ZNF43: variants seen among roughly 807,000 people sequenced by gnomAD.
ZNF43 encodes the protein zinc finger protein 43.
ZNF43 carries 44 observed loss-of-function variants against 68.4 expected under a neutral mutation model. That is an observed-to-expected ratio of 0.64 (90% CI 0.51 to 0.83). The LOEUF (loss-of-function observed/expected upper bound fraction) is 0.83. ZNF43 is among the 40% of genes least tolerant of loss of function. The pLI is 0.00. For missense variants in ZNF43, 896 were observed against 933.2 expected, an observed-to-expected ratio of 0.96 and a Z score of 0.52; for synonymous variants, 308 against 307.8, an observed-to-expected ratio of 1.00 and a Z score of -0.01.
rs1045478798 is a variant in ZNF43 at position 21,806,179 on chromosome 19, T to C, written c.*1428A>G. On this transcript the variant is annotated 3_prime_UTR_variant, in exon 4 of 4. Coordinates refer to ENST00000354959, the MANE Select transcript of ZNF43 (RefSeq NM_003423.4). ...ATTTTCATCACGCATCTTTTTTTTT[T>C]TTTTTTTTCTTTTTGAGATGGAGTT... is the stretch of plus-strand genomic sequence containing the variant. 2.0e-5 allele frequency: 3 copies of C among 151,496 alleles called. No homozygotes were observed. Among genetic ancestry groups the C allele is most frequent in the African/African-American group, 7.3e-5 (3 of 41,218 alleles). 9.4% of individuals were successfully genotyped at this position (151,496 alleles called of 1,614,324 possible). A position where few individuals can be genotyped will look rare whatever the true frequency, so the allele number is the denominator to read the frequency against.
intron 1 of ZNF43, among the ~76,000 whole-genome samples, chr19:21,820,407 G>A (rs1285592075): frequency 2.7e-5 from 4 of 150,810 alleles, no homozygotes; most frequent in South Asian, 4.2e-4. Flanking sequence ...GTGAAACCCC[G>A]TCTGTACTAA....
Position 21,809,300 on chromosome 19 carries a change from G to A in ZNF43, c.737C>T (p.Thr246Ile), listed in dbSNP as rs148124585. 16 of 1,613,280 alleles carry A rather than the reference G, an allele frequency of 9.9e-6. No homozygotes were observed. Among genetic ancestry groups the A allele is most frequent in the Non-Finnish European group, 9.3e-6 (11 of 1,179,848 alleles). ...GKVFNWSSRLTTHKKNYTRYK... is the reference protein window; with the variant it reads ...GKVFNWSSRLITHKKNYTRYK... Reference sequence around the variant, plus strand: ...TCTAGTATAATTTTTTTTATGTGTAGTAAGGCGTGAGGACCAATTAAAGAC... The same window carrying A: ...TCTAGTATAATTTTTTTTATGTGTAATAAGGCGTGAGGACCAATTAAAGAC... Residue 246 changes from threonine (T) to isoleucine (I), a missense_variant, in exon 4 of 4, where the codon ACT (threonine) becomes ATT (isoleucine). By Grantham distance (89) the Thr-to-Ile change is moderately conservative. Transcript: ENST00000354959.
At chr19:21,845,312 T>C (rs138250098) in intron 1 of ZNF43, 37 of 152,304 alleles carry the variant, frequency 2.4e-4, no homozygotes, top group African/African-American at 8.4e-4. Context: ...TGTCAAAATA[T>C]GTCACAAGGC....
intron 1 of ZNF43, among the ~76,000 whole-genome samples, chr19:21,829,669 A>G (rs2145303324): frequency 6.6e-6 from 1 of 152,338 alleles, no homozygotes; most frequent in African/African-American, 2.4e-5. Flanking sequence ...TAAATGCTTT[A>G]AGATAAAAGA....
Position 21,836,106 on chromosome 19 carries a change from A to T in ZNF43, c.-68T>A, listed in dbSNP as rs143001393. Reference sequence around the variant, plus strand: ...CCCAATACCCGCAGGTCACAGAGCCACAGAGGCTGGACCTCTAGCAGCAGA... The same window carrying T: ...CCCAATACCCGCAGGTCACAGAGCCTCAGAGGCTGGACCTCTAGCAGCAGA... On this transcript the variant is annotated 5_prime_UTR_variant, in exon 1 of 4. Transcript: ENST00000354959. 2.3e-5 allele frequency: 37 copies of T among 1,611,620 alleles called. No homozygotes were observed. The African/African-American group carries it at 4.3e-4, about 19-fold the overall frequency.
chr19:21,850,244 T>C (rs777659835), intron 1 of ZNF43, among the ~76,000 whole-genome samples: 2 of 152,098 alleles, frequency 1.3e-5, no homozygotes, highest in Non-Finnish European at 1.5e-5. Flanking sequence ...GATGCAGAGA[T>C]ATGTCACAAG....
chr19:21,815,966 C>A (rs1013391818), intron 3 of ZNF43, among the ~76,000 whole-genome samples: 3 of 151,488 alleles, frequency 2.0e-5, no homozygotes, highest in African/African-American at 7.3e-5. Context: ...GAGGCTGAGG[C>A]AGCAGAATCA....
Position 21,808,961 on chromosome 19 carries a change from G to A in ZNF43, c.1076C>T (p.Thr359Ile). Residue 359 changes from threonine (T) to isoleucine (I), a missense_variant, in exon 4 of 4, where the codon ACA becomes ATA. Coordinates refer to ENST00000354959, the MANE Select transcript of ZNF43 (RefSeq NM_003423.4). ...KAFNQFSNLTTHKRIHTAEKF... is the reference protein window; with the variant it reads ...KAFNQFSNLTIHKRIHTAEKF... ...CTCTGCAGTATGGATTCTCTTATGT[G>A]TAGTAAGGTTTGAGAACTGGTTAAA... 1 of 1,610,670 alleles carries A rather than the reference G, an allele frequency of 6.2e-7. No homozygotes were observed. The highest frequency in any genetic ancestry group is 8.5e-7 in the Non-Finnish European group (1 of 1,179,214).
rs2145438350 is a variant in ZNF43 at position 21,850,292 on chromosome 19, G to A, written c.30+1613C>T. On this transcript the variant is annotated intron_variant, in intron 1 of 3. Transcript: ENST00000357491. ...AAGGGCCTGGGCAGGGCCAGACACGGTGGGTCACACCTGTAATCCCAGCAC... is the reference window on the plus strand; with the variant it reads ...AAGGGCCTGGGCAGGGCCAGACACGATGGGTCACACCTGTAATCCCAGCAC... Among the ~76,000 whole-genome samples, 2 of 146,430 alleles carry A rather than the reference G, an allele frequency of 1.4e-5. 1 individual carries two copies. Among genetic ancestry groups the A allele is most frequent in the South Asian group, 4.4e-4 (2 of 4,522 alleles).
chr19:21,824,320 G>T (rs956624540), intron 1 of ZNF43, among the ~76,000 whole-genome samples: 1 of 152,122 alleles, frequency 6.6e-6, no homozygotes, highest in Non-Finnish European at 1.5e-5. Context: ...GTATAGCTGT[G>T]GTCATAGCTC....
chr19:21,812,154 T>C, intron 3 of ZNF43: 1 of 373,032 alleles, frequency 2.7e-6, no homozygotes, highest in Non-Finnish European at 4.8e-6. Flanking sequence ...TGAGACGGAG[T>C]CTCACTCTGT....
At chr19:21,816,496 C>T (rs2037535018) in intron 3 of ZNF43, among the ~76,000 whole-genome samples, 1 of 152,126 alleles carries the variant, frequency 6.6e-6, no homozygotes. Flanking sequence ...AATGGCCCAC[C>T]CAACTTGGTC....
chr19:21,847,004 C>T (rs1262116619), intron 1 of ZNF43, among the ~76,000 whole-genome samples: 4 of 152,150 alleles, frequency 2.6e-5, no homozygotes, highest in South Asian at 4.1e-4. Context: ...AGGTGCTGGG[C>T]GTAGCAATAT....
At chr19:21,815,977 G>T (rs556658626) in intron 3 of ZNF43, among the ~76,000 whole-genome samples, 2 of 151,658 alleles carry the variant, frequency 1.3e-5, no homozygotes, top group African/African-American at 4.8e-5. Context: ...AGCAGAATCA[G>T]TTGAAACTGG....
chr19:21,837,942 C>A (rs1599533126), upstream of ZNF43: 2 of 152,170 alleles, frequency 1.3e-5, no homozygotes, highest in Admixed American at 6.5e-5. Flanking sequence ...GCTTCCAGGT[C>A]ATAAGTAAAT....
chr19:21,817,422 T>G (rs1034683626), intron 3 of ZNF43, among the ~76,000 whole-genome samples: 1 of 152,212 alleles, frequency 6.6e-6, no homozygotes, highest in Non-Finnish European at 1.5e-5. Context: ...AATTTCATAT[T>G]ATTTAAAGGC....
In ZNF43 at chr19:21,851,914, G is replaced by C. The variant is rs1365154430; in HGVS notation, c.21C>G (p.Ser7Arg). The stretch of plus-strand genomic sequence containing the variant: ...AACCCCGCACACTCACCATTTCCCA[G>C]CTTCCAGGATGTCCGGGCATCTTAG... The change falls in exon 1 of 4, where the codon AGC becomes AGG. Residue 7 changes from serine to arginine, a missense_variant. Physicochemically the swap from Ser to Arg is moderately radical, Grantham distance 110. Coordinates refer to the ZNF43 transcript ENST00000357491. 3 of 1,580,660 alleles carry C rather than the reference G, an allele frequency of 1.9e-6. No homozygotes were observed. The African/African-American group carries it at 4.0e-5, about 21-fold the overall frequency.
intron 3 of ZNF43, 32 bp from the exon 4 acceptor site, chr19:21,809,839 C>A (rs375927252): frequency 2.0e-6 from 3 of 1,486,258 alleles, no homozygotes; most frequent in Non-Finnish European, 2.7e-6. Context: ...AATTATTCCA[C>A]TTGCTAGACT....
At chr19:21,820,243 T>TTA (rs2037747713) in intron 1 of ZNF43, among the ~76,000 whole-genome samples, 1 of 147,144 alleles carries the variant, frequency 6.8e-6, no homozygotes, top group African/African-American at 2.5e-5. Context: ...TATACATATA[T>TTA]ATTAATATAT....
Sources: allele counts gnomAD v4.1 joint callset (sites outside exome capture counted in the v4.1 genomes callset), GRCh38; gene constraint gnomAD v4.1.1; transcripts MANE v1.5; gene names NCBI Gene and HGNC (gene_info 2026-07-23, HGNC 2026-07-21).